Variants in DLGAP2 observed in about 807,000 individuals in gnomAD.
The protein encoded by DLGAP2 is DLG associated protein 2.
In DLGAP2, 26 loss-of-function variants were observed where a neutral mutation model predicts 100.3. That is an observed-to-expected ratio of 0.26 (90% CI 0.19 to 0.36). The LOEUF (loss-of-function observed/expected upper bound fraction) is 0.36, where lower values mean the gene tolerates loss of function less well. DLGAP2 is among the 10% of genes least tolerant of loss of function. The pLI is 1.00. For synonymous variants in DLGAP2, 886 were observed against 630.1 expected, an observed-to-expected ratio of 1.41 and a Z score of -6.08; for missense variants, 1,858 against 1,453.2, an observed-to-expected ratio of 1.28 and a Z score of -4.53.
At position 1,697,343 on chromosome 8, in the gene DLGAP2, C is replaced by T. The variant is rs746011627; in HGVS notation, c.2949+44C>T. The T allele has an allele frequency of 1.5e-5, 23 of 1,546,958 alleles. No homozygotes were observed. In the African/African-American group the frequency reaches 2.3e-4, roughly 16 times the overall value. On this transcript the variant is annotated intron_variant, in intron 14 of 14. Transcript: ENST00000637795. ...GGCCGGCTCCCAGCAAACCCCCTTT[C>T]TCACTGCACTAACGACCTGCTGCAG...
intron 8 of DLGAP2, among the ~76,000 whole-genome samples, chr8:1,638,006 C>T (rs2130788536): frequency 6.6e-6 from 1 of 152,294 alleles, no homozygotes; most frequent in Non-Finnish European, 1.5e-5. Flanking sequence ...AACCGCTGGG[C>T]ACCTCAGCTC....
intron 2 of DLGAP2, among the ~76,000 whole-genome samples, chr8:982,935 C>T (rs1284248243): frequency 8.9e-5 from 12 of 134,182 alleles, no homozygotes; most frequent in South Asian, 2.3e-4. Flanking sequence ...TGGGTTTTTG[C>T]ACAAAAAGCT....
At chr8:1,666,487 G>A (rs1228175034) in intron 8 of DLGAP2, among the ~76,000 whole-genome samples, 1 of 152,066 alleles carries the variant, frequency 6.6e-6, no homozygotes, top group Non-Finnish European at 1.5e-5. Flanking sequence ...TTGAGACCAG[G>A]CTGGCCCACA....
rs560454710 is a variant in DLGAP2 at position 1,681,260 on chromosome 8, C to T, written c.2704+2631C>T. On this transcript the variant is annotated intron_variant, in intron 12 of 14. Coordinates refer to ENST00000637795, the MANE Select transcript of DLGAP2 (RefSeq NM_001346810.2). Reference sequence around the variant, plus strand: ...ACACAGAGACTACTTCTCCTGTCATCATTTTCCATGTTTAGTGCATACTTT... The same window carrying T: ...ACACAGAGACTACTTCTCCTGTCATTATTTTCCATGTTTAGTGCATACTTT... Among the ~76,000 whole-genome samples the T allele has an allele frequency of 2.6e-5, 4 of 152,224 alleles. No individual in the cohort carries two copies. The South Asian group carries it at 8.3e-4, about 32-fold the overall frequency.
At chr8:1,430,855 C>T (rs924176023) in intron 3 of DLGAP2, among the ~76,000 whole-genome samples, 7 of 152,154 alleles carry the variant, frequency 4.6e-5, no homozygotes, top group African/African-American at 7.2e-5. Flanking sequence ...GGCACGGCAG[C>T]GTCTTTGATA....
intron 7 of DLGAP2, among the ~76,000 whole-genome samples, chr8:1,629,673 A>G (rs1419493112): frequency 6.6e-6 from 1 of 152,242 alleles, no homozygotes; most frequent in Admixed American, 6.5e-5. Context: ...GATATAACCT[A>G]GTTTACCAAA....
intron 3 of DLGAP2, among the ~76,000 whole-genome samples, chr8:1,483,264 G>T (rs1283990174): frequency 6.6e-5 from 10 of 152,202 alleles, no homozygotes; most frequent in Admixed American, 5.2e-4. Context: ...ACCCAGCCCA[G>T]GCTTTAAAAT....
intron 13 of DLGAP2, 129 bp downstream of exon 13, chr8:1,691,755 A>G (rs1799266814): frequency 1.2e-6 from 1 of 812,760 alleles, no homozygotes; most frequent in Non-Finnish European, 1.9e-6. Flanking sequence ...TGCACTTACT[A>G]CAGAAGAGGC....
At chr8:1,506,828 T>G (rs977159727) in intron 4 of DLGAP2, among the ~76,000 whole-genome samples, 1 of 152,154 alleles carries the variant, frequency 6.6e-6, no homozygotes, top group African/African-American at 2.4e-5. Context: ...ATAAAAGTTT[T>G]CCAAGTCCCC....
intron 2 of DLGAP2, among the ~76,000 whole-genome samples, chr8:1,025,057 C>G (rs1386250311): frequency 6.6e-6 from 1 of 151,968 alleles, no homozygotes; most frequent in Non-Finnish European, 1.5e-5. Context: ...CATATGCGTG[C>G]ATGTGCATGT....
At chr8:1,302,201 A>ACTCAGC in intron 3 of DLGAP2, 1 of 101,306 alleles carries the variant, frequency 9.9e-6, no homozygotes, top group African/African-American at 3.7e-5. Flanking sequence ...CCGGACTCGG[A>ACTCAGC]ATTTTCTGTG....
At chr8:1,291,409 T>C (rs1019739287) in intron 3 of DLGAP2, among the ~76,000 whole-genome samples, 2 of 152,100 alleles carry the variant, frequency 1.3e-5, no homozygotes, top group Non-Finnish European at 2.9e-5. Context: ...AATTTCTACA[T>C]GTGAGAGTGA....
At chr8:1,010,744 A>T (rs1563142499) in intron 2 of DLGAP2, among the ~76,000 whole-genome samples, 1 of 152,240 alleles carries the variant, frequency 6.6e-6, no homozygotes, top group Non-Finnish European at 1.5e-5. Context: ...TTTTGCCCTC[A>T]GAAATGAATT....
chr8:1,558,165 G>C (rs1802030324), intron 5 of DLGAP2, among the ~76,000 whole-genome samples: 1 of 152,194 alleles, frequency 6.6e-6, no homozygotes, highest in African/African-American at 2.4e-5. Context: ...CAGCGCCTCT[G>C]TTGGTGGCCT....
At chr8:1,072,182 C>T (rs147776793) in intron 2 of DLGAP2, among the ~76,000 whole-genome samples, 5 of 152,272 alleles carry the variant, frequency 3.3e-5, no homozygotes, top group African/African-American at 1.2e-4. Context: ...TTGGTGACAT[C>T]GAGAGACATT....
At chr8:943,197 A>C (rs981603924) in intron 2 of DLGAP2, among the ~76,000 whole-genome samples, 7 of 152,332 alleles carry the variant, frequency 4.6e-5, no homozygotes, top group Admixed American at 4.6e-4. Flanking sequence ...AATGTTTACC[A>C]GTTGAGTGCT....
intron 3 of DLGAP2, among the ~76,000 whole-genome samples, chr8:1,407,790 A>G (rs566111572): frequency 1.4e-5 from 2 of 139,930 alleles, no homozygotes; most frequent in African/African-American, 5.3e-5. Flanking sequence ...CCACCTCCTC[A>G]TCCTCCGGGG....
chr8:1,457,610 T>C (rs1300944232), intron 3 of DLGAP2, among the ~76,000 whole-genome samples: 2 of 152,146 alleles, frequency 1.3e-5, no homozygotes, highest in Non-Finnish European at 2.9e-5. Flanking sequence ...TAAACTGATA[T>C]CTGGTATTTA....
chr8:1,408,064 A>G (rs1796623129), intron 3 of DLGAP2, among the ~76,000 whole-genome samples: 1 of 152,232 alleles, frequency 6.6e-6, no homozygotes, highest in Admixed American at 6.5e-5. Flanking sequence ...GATAGTGCCA[A>G]ATGCCCCCCA....
Sources: gnomAD v4.1 joint callset for allele counts (sites outside exome capture counted in the v4.1 genomes callset) on GRCh38, gnomAD v4.1.1 for gene constraint, MANE v1.5 for transcripts, NCBI Gene and HGNC (gene_info 2026-07-23, HGNC 2026-07-21) for gene names.